KCTD1: variants seen among roughly 807,000 people sequenced by gnomAD.
KCTD1 encodes BTB/POZ domain-containing protein KCTD1.
KCTD1 carries 24 observed loss-of-function variants against 66.0 expected under a neutral mutation model. That is an observed-to-expected ratio of 0.36 (90% CI 0.26 to 0.51). The LOEUF is 0.51. KCTD1 is among the 20% of genes least tolerant of loss of function. The pLI, the probability that KCTD1 is intolerant of heterozygous loss-of-function variation, is 0.95. For missense variants in KCTD1, 943 were observed against 1,205.2 expected, an observed-to-expected ratio of 0.78 and a Z score of 3.22; for synonymous variants, 511 against 517.2, an observed-to-expected ratio of 0.99 and a Z score of 0.16.
chr18:26,463,746 A>T (rs1980569617), intron 3 of KCTD1, among the ~76,000 whole-genome samples: 1 of 152,212 alleles, frequency 6.6e-6, no homozygotes, highest in African/African-American at 2.4e-5. Context: ...CATGTTGGCC[A>T]GGCTGGTCTC....
intron 1 of KCTD1, among the ~76,000 whole-genome samples, chr18:26,524,038 G>A (rs1003134086): frequency 6.6e-6 from 1 of 152,170 alleles, no homozygotes; most frequent in Non-Finnish European, 1.5e-5. Context: ...GACAATGTAG[G>A]GGACAAGAGG....
rs1985258945 is a variant in KCTD1 at position 26,546,968 on chromosome 18, C to A, written c.1569G>T (p.Gly523=). The A allele has an allele frequency of 6.8e-7, 1 of 1,478,682 alleles. No homozygotes were observed. Among genetic ancestry groups the A allele is most frequent in the Non-Finnish European group, 9.0e-7 (1 of 1,109,956 alleles). The allele number at this position is 1,478,682 out of a possible 1,614,324, so 91.6% of individuals were successfully genotyped here. Residue 523 remains glycine (G), a synonymous_variant, in exon 1 of 5, where the codon GGG becomes GGT. Coordinates refer to ENST00000580059, the MANE Select transcript of KCTD1 (RefSeq NM_001142730.3). Reference sequence around the variant, plus strand: ...GCGCAGCCTCGGATTTCACGTCGGGCCCGACCTGGCTGTCTTTGGGGAGGA... The same window carrying A: ...GCGCAGCCTCGGATTTCACGTCGGGACCGACCTGGCTGTCTTTGGGGAGGA... ...TYILPKDSQV[G]PDVKSEAAPK...
At chr18:26,597,415 A>C (rs573395086) in intron 1 of KCTD1, among the ~76,000 whole-genome samples, 3 of 152,162 alleles carry the variant, frequency 2.0e-5, no homozygotes, top group Non-Finnish European at 2.9e-5. Flanking sequence ...TGATCAGATA[A>C]TATCCTGTAT....
chr18:26,626,470 ATTTTTTT>A (rs71169868), intron 1 of KCTD1, among the ~76,000 whole-genome samples: 57 of 108,200 alleles, frequency 5.3e-4, no homozygotes, highest in African/African-American at 1.8e-3. Flanking sequence ...TGAGGAGGTG[ATTTTTTT>A]TTTTTTTTTT....
chr18:26,595,831 T>C (rs1193578469), intron 1 of KCTD1, among the ~76,000 whole-genome samples: 1 of 152,108 alleles, frequency 6.6e-6, no homozygotes, highest in Non-Finnish European at 1.5e-5. Context: ...CTTGAGACCA[T>C]GAGTTCAAGA....
chr18:26,643,374 G>A (rs143804595), upstream of KCTD1, among the ~76,000 whole-genome samples: 588 of 152,194 alleles, frequency 3.9e-3, no homozygotes, highest in African/African-American at 0.013. Flanking sequence ...TATGAAATTC[G>A]GGGGTACACA....
chr18:26,638,227 A>C (rs1410585525), intron 1 of KCTD1, among the ~76,000 whole-genome samples: 1 of 152,198 alleles, frequency 6.6e-6, no homozygotes, highest in African/African-American at 2.4e-5. Context: ...GTTCAATGTC[A>C]AATCAGTCCA....
At chr18:26,605,003 C>T (rs115071670) in intron 1 of KCTD1, among the ~76,000 whole-genome samples, 2,237 of 152,282 alleles carry the variant, frequency 0.015, 56 homozygotes, top group African/African-American at 0.051. Flanking sequence ...ACTACCCTGC[C>T]ATCCTCAGAG....
chr18:26,650,747 A>G (rs1487277591), intron 1 of KCTD1, among the ~76,000 whole-genome samples: 1 of 152,234 alleles, frequency 6.6e-6, no homozygotes, highest in African/African-American at 2.4e-5. Context: ...TGTTTTACAC[A>G]CATTTTCTGT....
chr18:26,476,680 C>G lies in KCTD1; in HGVS notation c.1989-21G>C, dbSNP rs772493370. 1.2e-6 allele frequency: 2 copies of G among 1,608,014 alleles called. No homozygotes were observed. The highest frequency in any genetic ancestry group is 4.5e-5 in the East Asian group (2 of 44,628). ...CGATTCTGTGATAGAAAAGAGGGAACAGTGAAGACAATTAGATCAATTGTT... is the reference window on the plus strand; with the variant it reads ...CGATTCTGTGATAGAAAAGAGGGAAGAGTGAAGACAATTAGATCAATTGTT... On this transcript the variant is annotated intron_variant, in intron 2 of 4. Transcript: ENST00000580059. This position sits in a 1 kb window ranked among gnomAD's most constrained non-coding sequence, Gnocchi z 4.9.
intron 1 of KCTD1, among the ~76,000 whole-genome samples, chr18:26,590,175 C>G (rs1359988075): frequency 6.6e-6 from 1 of 152,072 alleles, no homozygotes; most frequent in Non-Finnish European, 1.5e-5. Flanking sequence ...CCTCTGCCTC[C>G]TGGGTTCAAG....
chr18:26,629,232 C>T (rs1169544970), exon 1 of KCTD1: 4 of 985,152 alleles, frequency 4.1e-6, no homozygotes, highest in Middle Eastern at 5.2e-4. Context: ...AAGCTAGTGA[C>T]GGGAGCTGTA....
At chr18:26,639,605 T>C (rs1299332579) in intron 1 of KCTD1, among the ~76,000 whole-genome samples, 1 of 152,180 alleles carries the variant, frequency 6.6e-6, no homozygotes, top group Admixed American at 6.5e-5. Context: ...ACATTATCAA[T>C]AACATTATTG....
intron 1 of KCTD1, among the ~76,000 whole-genome samples, chr18:26,638,149 G>A (rs963660749): frequency 3.3e-5 from 5 of 152,140 alleles, no homozygotes; most frequent in African/African-American, 1.2e-4. Flanking sequence ...GTAATAAAGT[G>A]CAAAAGCACC....
chr18:26,551,045 C>T (rs1479244083), upstream of KCTD1, among the ~76,000 whole-genome samples: 1 of 152,112 alleles, frequency 6.6e-6, no homozygotes, highest in East Asian at 1.9e-4. Flanking sequence ...AGCGGAGCCG[C>T]CCCCCAGGTC....
intron 1 of KCTD1, among the ~76,000 whole-genome samples, chr18:26,593,021 C>T (rs1986644993): frequency 6.6e-6 from 1 of 152,242 alleles, no homozygotes; most frequent in Non-Finnish European, 1.5e-5. Context: ...CGCTTCCTCA[C>T]ACCTATTAAC....
upstream of KCTD1, among the ~76,000 whole-genome samples, chr18:26,643,773 T>A (rs186512099): frequency 1.3e-5 from 2 of 152,132 alleles, no homozygotes; most frequent in Non-Finnish European, 1.5e-5. Context: ...CCATCCTGGC[T>A]AACACGATGA....
rs574078997 is a variant in KCTD1 at position 26,595,985 on chromosome 18, C to T, written c.-16+33162G>A. ...ATCACTTGAGCCCAGAAGTTCAAGG[C>T]TTTAGTGAACCATGATCACACTACT... On this transcript the variant is annotated intron_variant, in intron 1 of 4. Coordinates refer to the KCTD1 transcript ENST00000317932. 1.3e-4 allele frequency among the ~76,000 whole-genome samples: 20 copies of T among 152,318 alleles called. No homozygotes were observed. The South Asian group carries it at 3.5e-3, about 27-fold the overall frequency.
At position 26,548,110 on chromosome 18, in the gene KCTD1, G is replaced by C; in HGVS notation, c.427C>G (p.Arg143Gly). 7.6e-7 allele frequency: 1 copy of C among 1,310,150 alleles called. No individual in the cohort carries two copies. Among genetic ancestry groups the C allele is most frequent in the East Asian group, 3.1e-5 (1 of 32,292 alleles). The allele number at this position is 1,310,150 out of a possible 1,614,324, so 81.2% of individuals were successfully genotyped here. The change falls in exon 1 of 5, where the codon CGG (arginine) becomes GGG (glycine). Residue 143 changes from arginine (R) to glycine (G), a missense_variant. Physicochemically the swap from Arg to Gly is moderately radical, Grantham distance 125. Around this residue, in one of 10 missense-constraint regions of KCTD1, gnomAD observed 96 missense variants for 132.5 expected, o/e 0.72. Transcript: ENST00000580059. Reference sequence around the variant, plus strand: ...TCCCCGGGCGGCCCACCGCGGGCCCGGGGCGCCAGCAGTCGCGGCGGCGCC... The same window carrying C: ...TCCCCGGGCGGCCCACCGCGGGCCCCGGGCGCCAGCAGTCGCGGCGGCGCC... ...PEAPPRLLAP[R>G]ARGGPPGDGS...
Sources: allele counts gnomAD v4.1 joint callset (sites outside exome capture counted in the v4.1 genomes callset), GRCh38; gene constraint gnomAD v4.1.1; regional missense constraint gnomAD v4.1.1; non-coding constraint Gnocchi (gnomAD v3.1); transcripts MANE v1.5; gene names NCBI Gene and HGNC (gene_info 2026-07-23, HGNC 2026-07-21).